DAB1: variants seen among roughly 807,000 people sequenced by gnomAD.
DAB1 encodes the protein disabled homolog 1.
A neutral mutation model predicts 64.6 loss-of-function variants in DAB1; 15 were observed. That is an observed-to-expected ratio of 0.23 (90% CI 0.16 to 0.36). The LOEUF is 0.36. Among genes scored for constraint, DAB1 ranks in the 10% least tolerant of loss-of-function variants. The probability of loss-of-function intolerance (pLI) is 1.00; values close to 1 mark genes in which losing one functional copy is unlikely to be tolerated. For missense variants in DAB1, 596 were observed against 706.7 expected (o/e 0.84, Z 1.78); for synonymous variants, 235 against 251.9 (o/e 0.93, Z 0.64).
At chr1:58,235,593 A>C (rs2100362647) in intron 4 of DAB1, among the ~76,000 whole-genome samples, 1 of 152,120 alleles carries the variant, frequency 6.6e-6, no homozygotes, top group Middle Eastern at 3.4e-3. Context: ...GGGTGAAGGA[A>C]GCAATTATGG....
chr1:57,204,167 G>A (rs1345994328), intron 2 of DAB1, among the ~76,000 whole-genome samples: 1 of 152,146 alleles, frequency 6.6e-6, no homozygotes, highest in East Asian at 1.9e-4. Context: ...TGGGATTACA[G>A]GTGTGAGCTA....
At chr1:57,273,432 C>T (rs1234772832) in intron 2 of DAB1, among the ~76,000 whole-genome samples, 1 of 152,116 alleles carries the variant, frequency 6.6e-6, no homozygotes, top group Non-Finnish European at 1.5e-5. Context: ...AACTCCTCTG[C>T]TAAGCAACTT....
intron 3 of DAB1, among the ~76,000 whole-genome samples, chr1:58,467,721 T>C (rs1470836021): frequency 6.6e-6 from 1 of 152,204 alleles, no homozygotes; most frequent in African/African-American, 2.4e-5. Context: ...CTAGAAACAA[T>C]TTGTTGGGCA....
Position 58,076,547 on chromosome 1 carries a change from A to C in DAB1, n.387+73964T>G, listed in dbSNP as rs570764353. On this transcript the variant is annotated intron_variant and non_coding_transcript_variant, in intron 5 of 20. Coordinates refer to the DAB1 transcript ENST00000485760. ...TGCCATGCTAGAAGCATCCACACTA[A>C]AGGATTGTTGTCACTTAATGGCAGG... 2.9e-4 allele frequency among the ~76,000 whole-genome samples: 44 copies of C among 152,324 alleles called. 1 individual carries two copies. Among genetic ancestry groups the C allele is most frequent in the African/African-American group, 1.0e-3 (43 of 41,584 alleles).
intron 1 of DAB1, chr1:57,878,635 G>C (rs1243257583): frequency 6.6e-6 from 1 of 152,022 alleles, no homozygotes; most frequent in African/African-American, 2.4e-5. Flanking sequence ...GGTCAACTTA[G>C]GGTATTTAGC....
chr1:58,485,935 G>A (rs1409758475), intron 3 of DAB1, among the ~76,000 whole-genome samples: 1 of 152,170 alleles, frequency 6.6e-6, no homozygotes, highest in Non-Finnish European at 1.5e-5. Context: ...AAGCAGGAAT[G>A]TATTTTAATA....
intron 5 of DAB1, among the ~76,000 whole-genome samples, chr1:58,071,345 C>T (rs964302258): frequency 6.9e-6 from 1 of 145,266 alleles, no homozygotes; most frequent in Non-Finnish European, 1.5e-5. Context: ...AGGAACTCTA[C>T]CTCCATCAAA....
At position 57,716,148 on chromosome 1, in the gene DAB1, T is replaced by C. The variant is rs541808697; in HGVS notation, n.552-66483A>G. On this transcript the variant is annotated intron_variant and non_coding_transcript_variant, in intron 6 of 20. Transcript: ENST00000485760. ...TGGTCTCGAACTCCTGACCTTGTGA[T>C]CCACCCGCCTTGGCCTTCAAAAGTG... Among the ~76,000 whole-genome samples, 286 of 152,296 alleles carry C rather than the reference T, an allele frequency of 1.9e-3. 1 individual carries two copies. The highest frequency in any genetic ancestry group is 6.5e-3 in the African/African-American group (272 of 41,572).
In DAB1 at chr1:57,023,561, C is replaced by T; in HGVS notation, c.865G>A (p.Val289Ile). ...LPASADVFSS[V>I]PFGTAAVPSG... Reference sequence around the variant, plus strand: ...GGTACAGCAGCAGTGCCGAAAGGTACAGAACTAAACACATCTGCACTCGCT... The same window carrying T: ...GGTACAGCAGCAGTGCCGAAAGGTATAGAACTAAACACATCTGCACTCGCT... Residue 289 changes from valine (V) to isoleucine (I), a missense_variant, in exon 11 of 15, where the codon GTA becomes ATA. This residue lies in a region of DAB1 where 377 missense variants were observed against 400.4 expected (regional missense o/e 0.94). Coordinates refer to ENST00000371236, the MANE Select transcript of DAB1 (RefSeq NM_001365792.1). The T allele has an allele frequency of 1.2e-6, 2 of 1,610,324 alleles. No individual in the cohort carries two copies. Among genetic ancestry groups the T allele is most frequent in the Admixed American group, 1.7e-5 (1 of 59,664 alleles).
At chr1:58,490,737 G>A (rs1221099357) in intron 3 of DAB1, among the ~76,000 whole-genome samples, 28 of 150,716 alleles carry the variant, frequency 1.9e-4, no homozygotes, top group African/African-American at 5.6e-4. Context: ...GACTAACAGC[G>A]GATCTCTCAG....
At chr1:57,604,022 G>T (rs186364712) in intron 7 of DAB1, among the ~76,000 whole-genome samples, 2 of 152,180 alleles carry the variant, frequency 1.3e-5, no homozygotes, top group Admixed American at 6.5e-5. Context: ...ACATGCTGGC[G>T]TTTCCCTGGG....
At chr1:57,052,718 T>C (rs1289949148) in intron 9 of DAB1, among the ~76,000 whole-genome samples, 2 of 152,170 alleles carry the variant, frequency 1.3e-5, no homozygotes, top group African/African-American at 4.8e-5. Context: ...GGAGAGTAGA[T>C]GAATAATTCT....
intron 11 of DAB1, among the ~76,000 whole-genome samples, chr1:57,017,658 C>T (rs540098130): frequency 7.2e-5 from 11 of 152,238 alleles, no homozygotes; most frequent in East Asian, 5.8e-4. Context: ...AACACTTCTG[C>T]GGAATAAAAC....
chr1:57,850,567 T>C (rs1454344528), intron 1 of DAB1, among the ~76,000 whole-genome samples: 1 of 152,166 alleles, frequency 6.6e-6, no homozygotes, highest in Non-Finnish European at 1.5e-5. Flanking sequence ...GGAAATCCTT[T>C]ACTCCTGATC....
chr1:57,305,368 C>A (rs1674048378), intron 1 of DAB1, among the ~76,000 whole-genome samples: 1 of 152,212 alleles, frequency 6.6e-6, no homozygotes, highest in Non-Finnish European at 1.5e-5. Flanking sequence ...ACTTTTCTCT[C>A]CTTTTTTCTC....
chr1:57,537,879 A>T (rs1429239554), intron 7 of DAB1, among the ~76,000 whole-genome samples: 2 of 152,152 alleles, frequency 1.3e-5, no homozygotes, highest in Non-Finnish European at 2.9e-5. Context: ...GGCTGCTTCC[A>T]TTCGTGGTGG....
At chr1:57,745,870 C>A (rs1436951133) in intron 6 of DAB1, among the ~76,000 whole-genome samples, 2 of 152,124 alleles carry the variant, frequency 1.3e-5, no homozygotes, top group Non-Finnish European at 1.5e-5. Flanking sequence ...CTTTAATAGT[C>A]TATTATTTAT....
At chr1:57,321,533 G>C (rs955920152) in intron 1 of DAB1, among the ~76,000 whole-genome samples, 1 of 152,134 alleles carries the variant, frequency 6.6e-6, no homozygotes, top group Non-Finnish European at 1.5e-5. Context: ...TTATACATGG[G>C]CGTGTAAAGG....
At chr1:57,779,778 G>A (rs776263989) in intron 6 of DAB1, among the ~76,000 whole-genome samples, 8 of 152,094 alleles carry the variant, frequency 5.3e-5, no homozygotes, top group Admixed American at 1.3e-4. Context: ...AAAATCCTTA[G>A]TGAGCTGAAA....
Sources: allele counts gnomAD v4.1 joint callset (sites outside exome capture counted in the v4.1 genomes callset), GRCh38; gene constraint gnomAD v4.1.1; regional missense constraint gnomAD v4.1.1; transcripts MANE v1.5; gene names NCBI Gene and HGNC (gene_info 2026-07-23, HGNC 2026-07-21).